SVOPL: variants seen among roughly 807,000 people sequenced by gnomAD.
The protein encoded by SVOPL is SVOP like.
A neutral mutation model predicts 61.0 loss-of-function variants in SVOPL; 60 were observed. The observed-to-expected ratio is 0.98, with a 90% CI of 0.80 to 1.22. SVOPL has a LOEUF of 1.22. SVOPL is among the 50% of genes most tolerant of loss of function. The probability of loss-of-function intolerance (pLI) is 0.00; values close to 1 mark genes in which losing one functional copy is unlikely to be tolerated. For synonymous variants in SVOPL, 279 were observed against 250.0 expected (o/e 1.12, Z -1.09); for missense variants, 662 against 643.9 (o/e 1.03, Z -0.30).
chr7:138,657,044 CAAA>C (rs11432091), intron 6 of SVOPL, among the ~76,000 whole-genome samples: 1 of 139,176 alleles, frequency 7.2e-6, no homozygotes, highest in African/African-American at 2.6e-5. Flanking sequence ...GTTGAAAAGA[CAAA>C]AAAAAAAAGA....
intron 1 of SVOPL, among the ~76,000 whole-genome samples, chr7:138,694,267 C>T (rs186846936): frequency 6.6e-6 from 1 of 152,252 alleles, no homozygotes; most frequent in East Asian, 1.9e-4. Flanking sequence ...GTTTTTGAGA[C>T]GGAGTCTCGC....
chr7:138,620,984 C>T, intron 14 of SVOPL, 62 bp downstream of exon 14: 4 of 1,460,770 alleles, frequency 2.7e-6, no homozygotes, highest in Non-Finnish European at 2.8e-6. Flanking sequence ...TCTGAAGGTC[C>T]CTGGGTTCCT....
Position 138,649,063 on chromosome 7 carries a change from C to A in SVOPL, c.609G>T (p.Trp203Cys), listed in dbSNP as rs1427079708. Reference sequence around the variant, plus strand: ...CCGGGATGGAGGCGACGCGAATGAGCCAGCGCCACCCGATGGTGGGGATGA... The same window carrying A: ...CCGGGATGGAGGCGACGCGAATGAGACAGCGCCACCCGATGGTGGGGATGA... ...SVIIPTIGWR[W>C]LIRVASIPGI... is the part of the protein sequence containing the mutation. Residue 203 changes from tryptophan (W) to cysteine (C), a missense_variant, in exon 8 of 16, where the codon TGG becomes TGT. Transcript: ENST00000674285. 3 of 1,613,830 alleles carry A rather than the reference C, an allele frequency of 1.9e-6. No individual in the cohort carries two copies. Among genetic ancestry groups the A allele is most frequent in the Non-Finnish European group, 1.7e-6 (2 of 1,179,956 alleles).
At chr7:138,622,333 C>T (rs564730263) in intron 13 of SVOPL, among the ~76,000 whole-genome samples, 22 of 148,994 alleles carry the variant, frequency 1.5e-4, no homozygotes, top group African/African-American at 3.2e-4. Flanking sequence ...CTCACTCTTT[C>T]GCCCAGGCTG....
intron 4 of SVOPL, chr7:138,664,325 G>T: frequency 5.2e-6 from 4 of 769,548 alleles, no homozygotes; most frequent in Non-Finnish European, 6.3e-6. Context: ...ATCCTCCATC[G>T]GACACACCCC....
intron 8 of SVOPL, among the ~76,000 whole-genome samples, chr7:138,647,235 G>A (rs1462756218): frequency 6.6e-6 from 1 of 152,016 alleles, no homozygotes; most frequent in Non-Finnish European, 1.5e-5. Flanking sequence ...TTAGCTGGGT[G>A]TGGTGGCACG....
intron 14 of SVOPL, among the ~76,000 whole-genome samples, chr7:138,606,408 C>T (rs1487819950): frequency 1.3e-5 from 2 of 152,082 alleles, no homozygotes; most frequent in Non-Finnish European, 2.9e-5. Context: ...ACTTCCCTAC[C>T]TGTGTAACTT....
At chr7:138,653,825 C>G (rs1801557387) in intron 7 of SVOPL, among the ~76,000 whole-genome samples, 1 of 151,458 alleles carries the variant, frequency 6.6e-6, no homozygotes. Flanking sequence ...CCCAGCTACT[C>G]AGGAGGCTGA....
intron 14 of SVOPL, among the ~76,000 whole-genome samples, chr7:138,603,562 C>T (rs1798618180): frequency 6.6e-6 from 1 of 152,172 alleles, no homozygotes; most frequent in Non-Finnish European, 1.5e-5. Context: ...GTCCCAGCTA[C>T]TCAGGAGGCT....
intron 5 of SVOPL, chr7:138,661,821 G>A (rs1802014695): frequency 2.0e-6 from 2 of 976,858 alleles, no homozygotes; most frequent in Non-Finnish European, 2.4e-6. Context: ...CTTCCGAGCT[G>A]CAATCCTCAA....
chr7:138,610,556 C>T (rs1471386478), intron 14 of SVOPL, among the ~76,000 whole-genome samples: 1 of 152,076 alleles, frequency 6.6e-6, no homozygotes, highest in Non-Finnish European at 1.5e-5. Context: ...GTCAAAATTG[C>T]CCTTGGGAAA....
intron 14 of SVOPL, among the ~76,000 whole-genome samples, chr7:138,606,586 G>T (rs12667717): frequency 1.3e-5 from 2 of 151,632 alleles, no homozygotes; most frequent in African/African-American, 4.8e-5. Context: ...AAAAACAAAG[G>T]CATCTCCACA....
intron 14 of SVOPL, among the ~76,000 whole-genome samples, chr7:138,603,550 G>A (rs551035977): frequency 6.6e-6 from 1 of 152,090 alleles, no homozygotes; most frequent in East Asian, 1.9e-4. Context: ...CATGCACCTG[G>A]GGTCCCAGCT....
intron 13 of SVOPL, among the ~76,000 whole-genome samples, chr7:138,625,674 C>T (rs1799858271): frequency 6.6e-6 from 1 of 152,166 alleles, no homozygotes; most frequent in Admixed American, 6.5e-5. Context: ...CATTTGAATG[C>T]AACATGTTGC....
intron 14 of SVOPL, among the ~76,000 whole-genome samples, chr7:138,608,419 A>G (rs1798849380): frequency 6.6e-6 from 1 of 152,258 alleles, no homozygotes; most frequent in South Asian, 2.1e-4. Flanking sequence ...TTGCGGGAAC[A>G]TAAGCAAACA....
At chr7:138,616,275 C>T (rs1799295746) in intron 14 of SVOPL, among the ~76,000 whole-genome samples, 1 of 152,168 alleles carries the variant, frequency 6.6e-6, no homozygotes, top group Non-Finnish European at 1.5e-5. Context: ...AGTGCGGAGG[C>T]AGCCCTTGAC....
At chr7:138,624,339 T>G (rs1659813) in intron 13 of SVOPL, among the ~76,000 whole-genome samples, 1 of 152,064 alleles carries the variant, frequency 6.6e-6, no homozygotes, top group African/African-American at 2.4e-5. Flanking sequence ...ACTGATGAAG[T>G]CTTCAAAATT....
intron 5 of SVOPL, chr7:138,661,473 G>C (rs755683504): frequency 9.2e-6 from 9 of 980,684 alleles, no homozygotes; most frequent in Non-Finnish European, 1.1e-5. Flanking sequence ...AGGAGCATGC[G>C]ACTCCGGTCA....
intron 4 of SVOPL, among the ~76,000 whole-genome samples, chr7:138,665,883 G>T (rs937143643): frequency 6.6e-6 from 1 of 152,156 alleles, no homozygotes; most frequent in Non-Finnish European, 1.5e-5. Flanking sequence ...GGCAACAGAG[G>T]AGGAGCTCTC....
Sources: allele counts gnomAD v4.1 joint callset (sites outside exome capture counted in the v4.1 genomes callset), GRCh38; gene constraint gnomAD v4.1.1; transcripts MANE v1.5; gene names NCBI Gene and HGNC (gene_info 2026-07-23, HGNC 2026-07-21).